COL25A1: variants seen among roughly 807,000 people sequenced by gnomAD.
COL25A1 encodes collagen type XXV alpha 1 chain.
In COL25A1, 103 loss-of-function variants were observed where a neutral mutation model predicts 128.4. The ratio of observed to expected loss-of-function variants is 0.80; its 90% CI spans 0.68 to 0.94. COL25A1 has a LOEUF of 0.94. Ranked by LOEUF, COL25A1 falls within the 40% of genes least tolerant of loss-of-function variation. The probability of loss-of-function intolerance (pLI) is 0.00; values close to 1 mark genes in which losing one functional copy is unlikely to be tolerated. For missense variants in COL25A1, 745 were observed against 840.0 expected (o/e 0.89, Z 1.40); for synonymous variants, 279 against 277.2 (o/e 1.01, Z -0.06).
At chr4:108,972,177 A>ACT (rs1163404524) in intron 8 of COL25A1, among the ~76,000 whole-genome samples, 2 of 152,152 alleles carry the variant, frequency 1.3e-5, no homozygotes, top group Non-Finnish European at 2.9e-5. Context: ...ATTGTTATTT[A>ACT]TGGGAAGAAA....
chr4:109,194,399 T>C (rs1775853459), intron 3 of COL25A1, among the ~76,000 whole-genome samples: 1 of 152,162 alleles, frequency 6.6e-6, no homozygotes, highest in South Asian at 2.1e-4. Context: ...TTATCTCAAT[T>C]GATTTTGGGA....
intron 3 of COL25A1, among the ~76,000 whole-genome samples, chr4:109,221,888 A>T (rs970249020): frequency 1.3e-5 from 2 of 152,138 alleles, no homozygotes; most frequent in African/African-American, 4.8e-5. Flanking sequence ...TTTCATAAAG[A>T]CACAATCATG....
At chr4:109,280,664 T>G (rs1723290075) in intron 3 of COL25A1, among the ~76,000 whole-genome samples, 2 of 152,076 alleles carry the variant, frequency 1.3e-5, no homozygotes, top group African/African-American at 4.8e-5. Context: ...TGTTTTGTTT[T>G]TTTTTTGAGA....
At chr4:108,833,956 A>C (rs1286932990) in intron 31 of COL25A1, among the ~76,000 whole-genome samples, 1 of 152,232 alleles carries the variant, frequency 6.6e-6, no homozygotes. Context: ...AAGGAAAAGC[A>C]AGTTACAATA....
intron 3 of COL25A1, among the ~76,000 whole-genome samples, chr4:109,230,020 G>T (rs962522006): frequency 6.6e-6 from 1 of 152,068 alleles, no homozygotes; most frequent in Non-Finnish European, 1.5e-5. Flanking sequence ...AAGGGGTGGG[G>T]AGGTGCCACA....
intron 26 of COL25A1, among the ~76,000 whole-genome samples, chr4:108,850,854 AG>A (rs1484318711): frequency 1.3e-5 from 2 of 152,256 alleles, no homozygotes; most frequent in Non-Finnish European, 2.9e-5. Context: ...TTAGTGATAC[AG>A]ATTTTTTACC....
intron 3 of COL25A1, among the ~76,000 whole-genome samples, chr4:109,292,258 T>A (rs1724544456): frequency 1.3e-5 from 2 of 152,212 alleles, no homozygotes; most frequent in Middle Eastern, 3.4e-3. Flanking sequence ...GTTTCTCATA[T>A]AATTTCATTT....
rs531143210 is a variant in COL25A1, at chr4:108,983,917, T to C, written c.439-9358A>G. 2.0e-5 allele frequency among the ~76,000 whole-genome samples: 3 copies of C among 152,164 alleles called. No homozygotes were observed. The South Asian group carries it at 6.2e-4, about 32-fold the overall frequency. On this transcript the variant is annotated intron_variant, in intron 6 of 37. Coordinates refer to ENST00000399132, the MANE Select transcript of COL25A1 (RefSeq NM_198721.4). ...GCAAAAGAACAAAGCTTCCACAGTG[T>C]GGAAGGGGACCCAAGCGGGTTGCCA...
chr4:108,942,367 T>A, intron 8 of COL25A1: 1 of 1,077,924 alleles, frequency 9.3e-7, no homozygotes. Context: ...AGCACCTCCC[T>A]TTCCTGGGAC....
intron 3 of COL25A1, among the ~76,000 whole-genome samples, chr4:109,142,045 C>G (rs1377060265): frequency 6.6e-6 from 1 of 152,204 alleles, no homozygotes; most frequent in African/African-American, 2.4e-5. Flanking sequence ...ATCTTTCCCA[C>G]TTTCTCCTGT....
intron 24 of COL25A1, among the ~76,000 whole-genome samples, chr4:108,854,667 A>G (rs1031279641): frequency 1.3e-5 from 2 of 152,170 alleles, no homozygotes; most frequent in African/African-American, 2.4e-5. Context: ...ATGAGATACC[A>G]TCTCATGCCA....
intron 6 of COL25A1, 100 bp downstream of exon 6, chr4:109,010,258 G>C (rs935699545): frequency 1.0e-6 from 1 of 966,904 alleles, no homozygotes. Flanking sequence ...GTGATTATCA[G>C]TTCATAGCTT....
chr4:108,989,265 CT>C (rs1402913141), intron 6 of COL25A1, among the ~76,000 whole-genome samples: 2 of 152,354 alleles, frequency 1.3e-5, no homozygotes, highest in East Asian at 1.9e-4. Context: ...CTTGGCTGAG[CT>C]GCTTTGTGCA....
At chr4:109,005,056 A>C (rs1005259248) in intron 6 of COL25A1, among the ~76,000 whole-genome samples, 30 of 152,208 alleles carry the variant, frequency 2.0e-4, no homozygotes, top group African/African-American at 7.0e-4. Flanking sequence ...GAGACTAAGT[A>C]ATTTACAAAG....
At chr4:109,173,549 G>T (rs368073927) in intron 3 of COL25A1, among the ~76,000 whole-genome samples, 7 of 152,028 alleles carry the variant, frequency 4.6e-5, no homozygotes, top group African/African-American at 1.7e-4. Context: ...ATATGAAATT[G>T]ATTACTTTTC....
intron 6 of COL25A1, among the ~76,000 whole-genome samples, chr4:108,990,232 AAAAAAAAATATATATATATATAT>A (rs1754059217): frequency 1.8e-5 from 1 of 55,532 alleles, no homozygotes; most frequent in Non-Finnish European, 3.5e-5. Context: ...AAAAAAAAAA[AAAAAAAAATATATATATATATAT>A]ATATATATAT....
At position 109,213,921 on chromosome 4, in the gene COL25A1, C is replaced by T. The variant is rs569642214; in HGVS notation, c.367+86662G>A. On this transcript the variant is annotated intron_variant, in intron 3 of 37. Transcript: ENST00000399132. Reference sequence around the variant, plus strand: ...TAAGCTATGATGTGACATGCTATCACGTAGATAGTAAAAATAGTGCCCCTG... The same window carrying T: ...TAAGCTATGATGTGACATGCTATCATGTAGATAGTAAAAATAGTGCCCCTG... Among the ~76,000 whole-genome samples the T allele has an allele frequency of 7.2e-5, 11 of 152,140 alleles. No individual in the cohort carries two copies. In the East Asian group the frequency reaches 7.7e-4, roughly 11 times the overall value.
chr4:109,165,021 G>T (rs1772931626), intron 3 of COL25A1, among the ~76,000 whole-genome samples: 1 of 152,052 alleles, frequency 6.6e-6, no homozygotes, highest in Non-Finnish European at 1.5e-5. Flanking sequence ...CCAAATGTTT[G>T]CAACAAAAAC....
chr4:109,162,797 G>C (rs1772708044), intron 3 of COL25A1, among the ~76,000 whole-genome samples: 1 of 152,208 alleles, frequency 6.6e-6, no homozygotes, highest in South Asian at 2.1e-4. Context: ...GAACATGTGG[G>C]GAACTGGCAT....
Sources: allele counts gnomAD v4.1 joint callset (sites outside exome capture counted in the v4.1 genomes callset), GRCh38; gene constraint gnomAD v4.1.1; transcripts MANE v1.5; gene names NCBI Gene and HGNC (gene_info 2026-07-23, HGNC 2026-07-21).